Variants in HTR4 observed in about 807,000 individuals in gnomAD.
The protein encoded by HTR4 is 5-hydroxytryptamine (serotonin) receptor 4, G protein-coupled.
HTR4 carries 16 observed loss-of-function variants against 36.8 expected under a neutral mutation model. That is an observed-to-expected ratio of 0.43 (90% confidence interval 0.29 to 0.66). The LOEUF (loss-of-function observed/expected upper bound fraction) is 0.66, where lower values mean the gene tolerates loss of function less well. Among genes scored for constraint, HTR4 ranks in the 30% least tolerant of loss-of-function variants. The pLI is 0.13. For synonymous variants in HTR4, 189 were observed against 185.1 expected (o/e 1.02, Z -0.17); for missense variants, 438 against 490.9 (o/e 0.89, Z 1.02).
At chr5:148,563,312 C>G (rs1294411620) in intron 2 of HTR4, among the ~76,000 whole-genome samples, 1 of 152,202 alleles carries the variant, frequency 6.6e-6, no homozygotes, top group African/African-American at 2.4e-5. Flanking sequence ...ACCAGAGAAG[C>G]TCACCCTTCA....
chr5:148,503,112 C>A (rs1339886799), intron 6 of HTR4, among the ~76,000 whole-genome samples: 5 of 152,162 alleles, frequency 3.3e-5, no homozygotes, highest in Non-Finnish European at 5.9e-5. Context: ...GCAAGGCAGG[C>A]CAACATTTGA....
chr5:148,513,454 T>C (rs1305823367), intron 5 of HTR4, among the ~76,000 whole-genome samples: 3 of 152,204 alleles, frequency 2.0e-5, no homozygotes, highest in Non-Finnish European at 4.4e-5. Flanking sequence ...GGACTGTATA[T>C]GCATATGGCT....
chr5:148,553,924 T>C (rs1182090094), intron 2 of HTR4, among the ~76,000 whole-genome samples: 1 of 152,222 alleles, frequency 6.6e-6, no homozygotes, highest in Non-Finnish European at 1.5e-5. Context: ...GACACTTGTA[T>C]ACCAACAGTC....
chr5:148,555,408 T>A (rs1399308955), intron 2 of HTR4, among the ~76,000 whole-genome samples: 2 of 152,194 alleles, frequency 1.3e-5, no homozygotes, highest in East Asian at 3.8e-4. Flanking sequence ...GGCATGCCAA[T>A]TAGGAGTTAG....
chr5:148,505,599 G>C (rs570193062), intron 6 of HTR4, among the ~76,000 whole-genome samples: 1 of 152,292 alleles, frequency 6.6e-6, no homozygotes, highest in African/African-American at 2.4e-5. Context: ...GTTTGCAGAT[G>C]ACATGACTGT....
intron 2 of HTR4, among the ~76,000 whole-genome samples, chr5:148,617,759 G>A (rs998774957): frequency 5.3e-5 from 8 of 151,982 alleles, no homozygotes; most frequent in Non-Finnish European, 1.0e-4. Flanking sequence ...GAGCCACGGC[G>A]CCCAGCCTAA....
intron 6 of HTR4, among the ~76,000 whole-genome samples, chr5:148,490,419 T>C (rs1166038783): frequency 1.3e-5 from 2 of 152,022 alleles, no homozygotes; most frequent in African/African-American, 4.8e-5. Context: ...TTCTGACATA[T>C]GTCTTCTCAT....
At chr5:148,600,739 A>T (rs1042141714) in intron 2 of HTR4, among the ~76,000 whole-genome samples, 4 of 152,088 alleles carry the variant, frequency 2.6e-5, no homozygotes, top group African/African-American at 9.6e-5. Flanking sequence ...GAAATGGAAA[A>T]GATCTTTGAC....
At chr5:148,459,332 C>T (rs1755205917) in intron 5 of HTR4, among the ~76,000 whole-genome samples, 2 of 152,170 alleles carry the variant, frequency 1.3e-5, no homozygotes, top group African/African-American at 4.8e-5. Context: ...AGAATCCCCT[C>T]ATGCTTCTGA....
At chr5:148,516,842 C>A (rs1468748369) in intron 5 of HTR4, among the ~76,000 whole-genome samples, 1 of 152,072 alleles carries the variant, frequency 6.6e-6, no homozygotes, top group Non-Finnish European at 1.5e-5. Context: ...TAATTTTCTT[C>A]TGGCAAGCAG....
chr5:148,477,067 G>A (rs532216683), downstream of HTR4, among the ~76,000 whole-genome samples: 7 of 152,314 alleles, frequency 4.6e-5, no homozygotes, highest in South Asian at 1.5e-3. Context: ...AGGAGTCCTT[G>A]AGGGATTTTG....
chr5:148,509,104 C>A (rs111853620), intron 6 of HTR4, among the ~76,000 whole-genome samples: 2 of 152,078 alleles, frequency 1.3e-5, no homozygotes, highest in African/African-American at 4.8e-5. Flanking sequence ...GGCTCTGTAC[C>A]GTGCACTCCA....
chr5:148,637,825 ACAGCATGATGAAT>A (rs1753598233), intron 1 of HTR4, among the ~76,000 whole-genome samples: 1 of 152,162 alleles, frequency 6.6e-6, no homozygotes, highest in South Asian at 2.1e-4. Context: ...CATCTGTTCC[ACAGCATGATGAAT>A]CAGTAAGTGT....
intron 5 of HTR4, among the ~76,000 whole-genome samples, chr5:148,462,491 TTA>T (rs1755301237): frequency 2.0e-5 from 3 of 151,940 alleles, no homozygotes; most frequent in East Asian, 3.9e-4. Flanking sequence ...ATGAATAAGC[TTA>T]TATATATATT....
intron 5 of HTR4, among the ~76,000 whole-genome samples, chr5:148,511,772 G>C (rs550707805): frequency 8.2e-4 from 125 of 152,156 alleles, no homozygotes; most frequent in Admixed American, 1.3e-3. Context: ...TCCACCACGA[G>C]AGCAGGAGAG....
intron 2 of HTR4, among the ~76,000 whole-genome samples, chr5:148,583,654 TATC>T (rs1420051208): frequency 1.2e-4 from 18 of 150,394 alleles, no homozygotes; most frequent in African/African-American, 3.4e-4. Context: ...TCATCATTAT[TATC>T]ATCATTTTAT....
Position 148,654,516 on chromosome 5 carries a change from C to A in HTR4, c.-502G>T, listed in dbSNP as rs1003560943. On this transcript the variant is annotated 5_prime_UTR_variant, in exon 1 of 7. Coordinates refer to ENST00000377888, the MANE Select transcript of HTR4 (RefSeq NM_000870.7). ...CAGCACGCGCCCTCCCTGGCCGGAG[C>A]GCTGCTCATCTGATGGAGGGCAGGA... is the stretch of plus-strand genomic sequence containing the variant. The A allele has an allele frequency of 5.8e-5, 57 of 984,894 alleles. No homozygotes were observed. Among genetic ancestry groups the A allele is most frequent in the Non-Finnish European group, 6.8e-5 (56 of 829,510 alleles). 61.0% of individuals were successfully genotyped at this position (984,894 alleles called of 1,614,324 possible). A position where few individuals can be genotyped will look rare whatever the true frequency, so the allele number is the denominator to read the frequency against.
intron 2 of HTR4, among the ~76,000 whole-genome samples, chr5:148,576,867 A>G (rs528180935): frequency 6.6e-6 from 1 of 152,166 alleles, no homozygotes; most frequent in African/African-American, 2.4e-5. Context: ...TATAACAAAC[A>G]TGGAAGACAA....
intron 2 of HTR4, among the ~76,000 whole-genome samples, chr5:148,581,520 A>G (rs1761134037): frequency 1.3e-5 from 2 of 152,070 alleles, no homozygotes; most frequent in Non-Finnish European, 2.9e-5. Context: ...ATTTTTGTGT[A>G]TGATGAATGA....
Sources: gnomAD v4.1 joint callset for allele counts (sites outside exome capture counted in the v4.1 genomes callset) on GRCh38, gnomAD v4.1.1 for gene constraint, MANE v1.5 for transcripts, NCBI Gene and HGNC (gene_info 2026-07-23, HGNC 2026-07-21) for gene names.